GHR: variants seen among roughly 807,000 people sequenced by gnomAD.
GHR encodes growth hormone receptor.
A neutral mutation model predicts 67.1 loss-of-function variants in GHR; 35 were observed. That is an observed-to-expected ratio of 0.52 (90% CI 0.40 to 0.69). The LOEUF is 0.69. GHR is among the 30% of genes least tolerant of loss of function. GHR has a pLI of 0.00. For missense variants in GHR, 792 were observed against 764.6 expected, an observed-to-expected ratio of 1.04 and a Z score of -0.42; for synonymous variants, 272 against 269.1, an observed-to-expected ratio of 1.01 and a Z score of -0.10.
At chr5:42,580,989 G>C (rs1406547257) in intron 2 of GHR, among the ~76,000 whole-genome samples, 1 of 152,180 alleles carries the variant, frequency 6.6e-6, no homozygotes, top group East Asian at 1.9e-4. Context: ...TTACCACTGA[G>C]TATTTTCCTT....
intron 5 of GHR, among the ~76,000 whole-genome samples, chr5:42,695,325 G>A (rs1203375826): frequency 6.6e-6 from 1 of 152,160 alleles, no homozygotes; most frequent in Non-Finnish European, 1.5e-5. Context: ...GAAGAGAATA[G>A]GAACCTTGTG....
chr5:42,686,803 A>T (rs779946875), intron 3 of GHR, among the ~76,000 whole-genome samples: 11 of 152,252 alleles, frequency 7.2e-5, no homozygotes, highest in Admixed American at 1.3e-4. Context: ...TTCCTTTTCA[A>T]CATATTATTC....
rs190837649 is a variant in GHR, at chr5:42,591,155, C to T, written c.70+25211C>T. Among the ~76,000 whole-genome samples, 391 of 152,298 alleles carry T rather than the reference C, an allele frequency of 2.6e-3. 1 individual carries two copies. Among genetic ancestry groups the T allele is most frequent in the African/African-American group, 9.0e-3 (373 of 41,560 alleles). ...ACACAGGGAACCCTGCAAGTTTAAG[C>T]GGTTTTGGCAGCCGAGGAAACAGCT... On this transcript the variant is annotated intron_variant, in intron 2 of 9. Transcript: ENST00000230882.
intron 1 of GHR, among the ~76,000 whole-genome samples, chr5:42,511,041 G>A (rs555578420): frequency 1.3e-5 from 2 of 152,246 alleles, no homozygotes; most frequent in Middle Eastern, 3.4e-3. Context: ...CTATTTACCA[G>A]TAGCATATGA....
intron 3 of GHR, among the ~76,000 whole-genome samples, chr5:42,663,993 A>T (rs1755811817): frequency 6.6e-6 from 1 of 152,236 alleles, no homozygotes; most frequent in Admixed American, 6.5e-5. Context: ...CCCATTCACA[A>T]TTGCTTCAAA....
intron 1 of GHR, among the ~76,000 whole-genome samples, chr5:42,430,805 C>T (rs1246312320): frequency 6.6e-6 from 1 of 152,032 alleles, no homozygotes; most frequent in Admixed American, 6.6e-5. Context: ...CCAGTCCTCA[C>T]CCCCCAAAAT....
At chr5:42,538,585 C>T (rs1748365991) in intron 1 of GHR, among the ~76,000 whole-genome samples, 1 of 152,148 alleles carries the variant, frequency 6.6e-6, no homozygotes, top group African/African-American at 2.4e-5. Context: ...TTACCCAGTG[C>T]TTTTGCCTCA....
At chr5:42,478,360 G>A (rs1745441078) in intron 1 of GHR, among the ~76,000 whole-genome samples, 1 of 152,118 alleles carries the variant, frequency 6.6e-6, no homozygotes, top group Non-Finnish European at 1.5e-5. Flanking sequence ...TTGACTTAGC[G>A]ATGCAGGCTC....
intron 2 of GHR, among the ~76,000 whole-genome samples, chr5:42,573,653 A>C (rs1427714434): frequency 6.6e-6 from 1 of 152,160 alleles, no homozygotes; most frequent in African/African-American, 2.4e-5. Flanking sequence ...GCCCCTTTGG[A>C]CATTGAACTT....
chr5:42,448,256 A>G (rs373287784), intron 1 of GHR, among the ~76,000 whole-genome samples: 1 of 151,936 alleles, frequency 6.6e-6, no homozygotes, highest in Non-Finnish European at 1.5e-5. Flanking sequence ...GCCAACATCT[A>G]TTATTTTTTT....
chr5:42,700,954 A>T (rs1757901040), intron 6 of GHR, among the ~76,000 whole-genome samples: 4 of 152,162 alleles, frequency 2.6e-5, no homozygotes, highest in Admixed American at 2.6e-4. Context: ...GCCTGATTGG[A>T]TGCTAAGTCA....
chr5:42,591,993 G>A (rs932675919), intron 2 of GHR, among the ~76,000 whole-genome samples: 1 of 152,044 alleles, frequency 6.6e-6, no homozygotes, highest in Non-Finnish European at 1.5e-5. Flanking sequence ...GACCAGGCCT[G>A]AGAACTTGCC....
chr5:42,565,977 GT>G (rs1554020306), intron 2 of GHR, 33 bp downstream of exon 2: 4 of 1,612,718 alleles, frequency 2.5e-6, no homozygotes, highest in Non-Finnish European at 3.4e-6. Context: ...CACCCTCAGT[GT>G]TTTGAAACAA....
rs535148962 is a variant in GHR, at chr5:42,701,608, G to A, written c.618+1606G>A. On this transcript the variant is annotated intron_variant, in intron 6 of 9. Coordinates refer to ENST00000230882, the MANE Select transcript of GHR (RefSeq NM_000163.5). Reference sequence around the variant, plus strand: ...CAAAAAAGAATGAGGCAAGCTTGTCGCTTCAAGAAAAACAACTGACAGTAT... The same window carrying A: ...CAAAAAAGAATGAGGCAAGCTTGTCACTTCAAGAAAAACAACTGACAGTAT... Among the ~76,000 whole-genome samples the A allele has an allele frequency of 1.1e-4, 16 of 152,196 alleles. No individual in the cohort carries two copies. The South Asian group carries it at 3.3e-3, about 32-fold the overall frequency.
chr5:42,474,295 G>GAAAGAAAGAAAGAAAGAAAGAAAGAA (rs147851081), intron 1 of GHR, among the ~76,000 whole-genome samples: 13 of 81,110 alleles, frequency 1.6e-4, no homozygotes, highest in Non-Finnish European at 2.4e-4. Flanking sequence ...AAAAGAGAAA[G>GAAAGAAAGAAAGAAAGAAAGAAAGAA]AGAAAGAAAG....
intron 2 of GHR, among the ~76,000 whole-genome samples, chr5:42,616,640 T>A (rs935125610): frequency 6.6e-6 from 1 of 150,492 alleles, no homozygotes; most frequent in African/African-American, 2.5e-5. Context: ...AGATGATATT[T>A]AAAGCCATGA....
Position 42,467,168 on chromosome 5 carries a change from C to T in GHR, c.-12+43213C>T, listed in dbSNP as rs867124586. On this transcript the variant is annotated intron_variant, in intron 1 of 9. Coordinates refer to ENST00000230882, the MANE Select transcript of GHR (RefSeq NM_000163.5). ...TCTCCACTGTGAATTCTCTGGTGGACAAAAAGGCAAGAGAGCTGACTGAAG... is the reference window on the plus strand; with the variant it reads ...TCTCCACTGTGAATTCTCTGGTGGATAAAAAGGCAAGAGAGCTGACTGAAG... 6.2e-5 allele frequency: 99 copies of T among 1,597,550 alleles called. 1 individual carries two copies. In the Middle Eastern group the frequency reaches 3.4e-3, roughly 54 times the overall value.
At chr5:42,575,037 A>C (rs1482243345) in intron 2 of GHR, among the ~76,000 whole-genome samples, 1 of 129,978 alleles carries the variant, frequency 7.7e-6, no homozygotes, top group East Asian at 2.0e-4. Flanking sequence ...GGGTGCATCA[A>C]ATTCCTCTGG....
chr5:42,428,779 A>G (rs1040886193), intron 1 of GHR, among the ~76,000 whole-genome samples: 12 of 152,188 alleles, frequency 7.9e-5, no homozygotes, highest in Non-Finnish European at 1.8e-4. Flanking sequence ...TTCATCTGAG[A>G]CCACATCAGC....
Sources: allele counts gnomAD v4.1 joint callset (sites outside exome capture counted in the v4.1 genomes callset), GRCh38; gene constraint gnomAD v4.1.1; transcripts MANE v1.5; gene names NCBI Gene and HGNC (gene_info 2026-07-23, HGNC 2026-07-21).